NRXN1: variants seen among roughly 807,000 people sequenced by gnomAD.
NRXN1 encodes neurexin-1.
In NRXN1, 39 loss-of-function variants were observed where a neutral mutation model predicts 150.9. The ratio of observed to expected loss-of-function variants is 0.26; its 90% CI spans 0.20 to 0.34. The LOEUF is 0.34. Ranked by LOEUF, NRXN1 falls within the 10% of genes least tolerant of loss-of-function variation. The pLI is 1.00. For missense variants in NRXN1, 1,815 were observed against 1,949.9 expected, an observed-to-expected ratio of 0.93 and a Z score of 1.30; for synonymous variants, 924 against 757.0, an observed-to-expected ratio of 1.22 and a Z score of -3.62.
intron 8 of NRXN1, among the ~76,000 whole-genome samples, chr2:50,606,368 C>T (rs1559008945): frequency 6.6e-6 from 1 of 151,414 alleles, no homozygotes; most frequent in South Asian, 2.1e-4. Context: ...TGCATGATTC[C>T]ACTTACAAGA....
intron 18 of NRXN1, among the ~76,000 whole-genome samples, chr2:50,105,882 T>A (rs926631697): frequency 6.6e-6 from 1 of 151,936 alleles, no homozygotes; most frequent in African/African-American, 2.4e-5. Context: ...AAGAACCATA[T>A]AAACCACCAT....
At chr2:49,955,700 C>T (rs1210285066) in intron 21 of NRXN1, among the ~76,000 whole-genome samples, 1 of 151,412 alleles carries the variant, frequency 6.6e-6, no homozygotes, top group Non-Finnish European at 1.5e-5. Flanking sequence ...AATGCTTTTA[C>T]TTAGTTGCAA....
chr2:50,115,773 A>G (rs1440714832), intron 18 of NRXN1, among the ~76,000 whole-genome samples: 19 of 152,116 alleles, frequency 1.2e-4, no homozygotes, highest in Admixed American at 1.2e-3. Flanking sequence ...TTTTTATTTA[A>G]TATTTCTTCA....
chr2:50,196,917 G>C (rs925223652), intron 18 of NRXN1, among the ~76,000 whole-genome samples: 1 of 152,064 alleles, frequency 6.6e-6, no homozygotes, highest in African/African-American at 2.4e-5. Context: ...GAGGGTGGAG[G>C]GTGGGAGGAA....
In NRXN1 at chr2:50,114,568, G is replaced by C. The variant is rs374701009; in HGVS notation, c.3547-23074C>G. Among the ~76,000 whole-genome samples, 10 of 152,220 alleles carry C rather than the reference G, an allele frequency of 6.6e-5. 1 individual carries two copies. Among genetic ancestry groups the C allele is most frequent in the African/African-American group, 2.2e-4 (9 of 41,552 alleles). On this transcript the variant is annotated intron_variant, in intron 18 of 22. Transcript: ENST00000401669. ...AATAATCTGTACATGGATGTTTATA[G>C]CAGCTTTATTCAAAATTGCCAAAAC...
chr2:50,300,987 C>T (rs941458240), intron 17 of NRXN1, among the ~76,000 whole-genome samples: 3 of 152,042 alleles, frequency 2.0e-5, no homozygotes, highest in South Asian at 2.1e-4. Context: ...TGAGCCACCA[C>T]GATCAGCTGA....
At chr2:49,942,175 AT>A (rs1340805965) in intron 22 of NRXN1, among the ~76,000 whole-genome samples, 1 of 152,136 alleles carries the variant, frequency 6.6e-6, no homozygotes, top group Non-Finnish European at 1.5e-5. Context: ...AGAGCTGATC[AT>A]TGTGAATGAT....
At chr2:50,390,196 T>C (rs1430872485) in intron 17 of NRXN1, among the ~76,000 whole-genome samples, 1 of 152,160 alleles carries the variant, frequency 6.6e-6, no homozygotes, top group African/African-American at 2.4e-5. Flanking sequence ...AAGTTATAGG[T>C]TTGCCTATTT....
chr2:50,317,908 T>C (rs1023090379), intron 17 of NRXN1, among the ~76,000 whole-genome samples: 1 of 152,058 alleles, frequency 6.6e-6, no homozygotes, highest in Non-Finnish European at 1.5e-5. Context: ...TCATGTTTTA[T>C]ATTTAATGAT....
At chr2:50,313,175 G>A (rs1171138676) in intron 17 of NRXN1, among the ~76,000 whole-genome samples, 1 of 152,012 alleles carries the variant, frequency 6.6e-6, no homozygotes, top group African/African-American at 2.4e-5. Context: ...ATTCTAATAT[G>A]TCTAGAATTA....
intron 15 of NRXN1, among the ~76,000 whole-genome samples, chr2:50,479,199 G>A (rs1193872823): frequency 6.6e-6 from 1 of 151,946 alleles, no homozygotes; most frequent in Non-Finnish European, 1.5e-5. Flanking sequence ...ATCTATCTTC[G>A]CCCCACAGTC....
At chr2:50,641,700 G>A (rs1014080532) in intron 5 of NRXN1, among the ~76,000 whole-genome samples, 6 of 152,060 alleles carry the variant, frequency 3.9e-5, no homozygotes, top group African/African-American at 1.4e-4. Flanking sequence ...CGACTGGGAA[G>A]AATAATTTAA....
intron 5 of NRXN1, among the ~76,000 whole-genome samples, chr2:50,863,264 G>A (rs1297432798): frequency 6.6e-6 from 1 of 152,022 alleles, no homozygotes; most frequent in African/African-American, 2.4e-5. Flanking sequence ...TTTCTGAAAT[G>A]ATTATCAAAA....
At chr2:50,259,848 AG>A (rs2068072805) in intron 17 of NRXN1, among the ~76,000 whole-genome samples, 1 of 151,800 alleles carries the variant, frequency 6.6e-6, no homozygotes, top group African/African-American at 2.4e-5. Flanking sequence ...TATCGGTACA[AG>A]TTATTGTACT....
At chr2:50,370,750 T>C (rs1323921271) in intron 17 of NRXN1, among the ~76,000 whole-genome samples, 3 of 151,688 alleles carry the variant, frequency 2.0e-5, no homozygotes, top group African/African-American at 7.3e-5. Flanking sequence ...ACAAGGGAGG[T>C]GTTATTCAGA....
intron 2 of NRXN1, among the ~76,000 whole-genome samples, chr2:50,983,345 C>T (rs990100771): frequency 3.9e-5 from 6 of 152,070 alleles, no homozygotes; most frequent in Non-Finnish European, 5.9e-5. Context: ...AAGGCCACTG[C>T]GAGATGCTTT....
intron 17 of NRXN1, among the ~76,000 whole-genome samples, chr2:50,397,247 T>C (rs1191494214): frequency 2.6e-5 from 4 of 152,104 alleles, no homozygotes; most frequent in Admixed American, 2.6e-4. Context: ...AGAGAGCTAT[T>C]AGAGTGGCGA....
chr2:50,824,953 C>T (rs1357549753), intron 5 of NRXN1, among the ~76,000 whole-genome samples: 2 of 152,212 alleles, frequency 1.3e-5, no homozygotes, highest in East Asian at 1.9e-4. Flanking sequence ...TCTTGGAGAC[C>T]GGAATTCTCC....
intron 8 of NRXN1, among the ~76,000 whole-genome samples, chr2:50,609,766 G>A (rs913795581): frequency 1.3e-5 from 2 of 151,970 alleles, no homozygotes; most frequent in Non-Finnish European, 2.9e-5. Context: ...CATATTTCAA[G>A]GGCAATTCAC....
Sources: gnomAD v4.1 joint callset for allele counts (sites outside exome capture counted in the v4.1 genomes callset) on GRCh38, gnomAD v4.1.1 for gene constraint, MANE v1.5 for transcripts, NCBI Gene and HGNC (gene_info 2026-07-23, HGNC 2026-07-21) for gene names.